Variants in COLQ observed in about 807,000 individuals in gnomAD.
The protein encoded by COLQ is collagen like tail subunit of asymmetric acetylcholinesterase, also known as acetylcholinesterase collagenic tail peptide.
In COLQ, 48 loss-of-function variants were observed where a neutral mutation model predicts 69.0. The ratio of observed to expected loss-of-function variants is 0.70; its 90% CI spans 0.55 to 0.88. The LOEUF (loss-of-function observed/expected upper bound fraction) is 0.88. Ranked by LOEUF, COLQ falls within the 40% of genes least tolerant of loss-of-function variation. The pLI, the probability that COLQ is intolerant of heterozygous loss-of-function variation, is 0.00. For missense variants in COLQ, 618 were observed against 594.6 expected, an observed-to-expected ratio of 1.04 and a Z score of -0.41; for synonymous variants, 217 against 211.2, an observed-to-expected ratio of 1.03 and a Z score of -0.24.
intron 1 of COLQ, among the ~76,000 whole-genome samples, chr3:15,518,834 G>A (rs1406582039): frequency 6.6e-6 from 1 of 152,164 alleles, no homozygotes; most frequent in Non-Finnish European, 1.5e-5. Flanking sequence ...GTCCCTTGAA[G>A]CACACATTAG....
intron 7 of COLQ, 161 bp from the exon 8 acceptor site, chr3:15,475,112 G>C (rs968944674): frequency 2.5e-6 from 2 of 814,566 alleles, no homozygotes; most frequent in African/African-American, 3.3e-5. Flanking sequence ...TGTCCCAGAG[G>C]GTTGTGGTTA....
Position 15,451,438 on chromosome 3 carries a change from C to T in COLQ, c.*206G>A, listed in dbSNP as rs2061940271. On this transcript the variant is annotated 3_prime_UTR_variant, in exon 17 of 17. Coordinates refer to ENST00000383788, the MANE Select transcript of COLQ (RefSeq NM_005677.4). ...TCAGGTTGGGCATGTGGAAGGTTTT[C>T]CAGTACCTTGGATTAAGACAGGATG... 1.4e-6 allele frequency: 1 copy of T among 693,128 alleles called. No individual in the cohort carries two copies. The highest frequency in any genetic ancestry group is 2.1e-5 in the Admixed American group (1 of 46,970). The allele number at this position is 693,128 out of a possible 1,614,324, so 42.9% of individuals were successfully genotyped here. A position where few individuals can be genotyped will look rare whatever the true frequency, so the allele number is the denominator to read the frequency against.
chr3:15,463,409 C>T (rs1484726832), intron 12 of COLQ, among the ~76,000 whole-genome samples: 8 of 151,672 alleles, frequency 5.3e-5, no homozygotes, highest in African/African-American at 1.2e-4. Flanking sequence ...TGCAGTGACT[C>T]GATCTTGGCT....
At chr3:15,454,293 G>A (rs546439323) in intron 15 of COLQ, among the ~76,000 whole-genome samples, 1 of 152,204 alleles carries the variant, frequency 6.6e-6, no homozygotes, top group Non-Finnish European at 1.5e-5. Context: ...GCCCCAGTGA[G>A]GGTGCATGGT....
chr3:15,451,801 CAATG>C, intron 16 of COLQ, 88 bp from the exon 17 acceptor site: 1 of 1,119,566 alleles, frequency 8.9e-7, no homozygotes, highest in Non-Finnish European at 1.4e-6. Context: ...GGCCAAGGGC[CAATG>C]GCTCTACAAG....
In COLQ at chr3:15,466,354, G is replaced by A. The variant is rs969231585; in HGVS notation, c.801C>T (p.Gly267=). Residue 267 remains glycine (G), a synonymous_variant, in exon 12 of 17, where the codon GGC becomes GGT. Transcript: ENST00000383788. Reference sequence around the variant, plus strand: ...TGTAGCTCTTACCTGCAGGTGGGGGGCCTGGGGGCCCCGGACGGCCAGGTT... The same window carrying A: ...TGTAGCTCTTACCTGCAGGTGGGGGACCTGGGGGCCCCGGACGGCCAGGTT... ...SGQPGRPGPP[G]PPPAGQLIMG... is the part of the protein sequence containing the mutation. 6 of 1,613,640 alleles carry A rather than the reference G, an allele frequency of 3.7e-6. No homozygotes were observed. Among genetic ancestry groups the A allele is most frequent in the Non-Finnish European group, 5.1e-6 (6 of 1,179,670 alleles).
At chr3:15,515,011 C>T (rs1447188944) in intron 1 of COLQ, among the ~76,000 whole-genome samples, 1 of 152,168 alleles carries the variant, frequency 6.6e-6, no homozygotes, top group Non-Finnish European at 1.5e-5. Flanking sequence ...TCACCACCCC[C>T]CACCTTTAGT....
chr3:15,467,834 C>T (rs1449185530), intron 11 of COLQ: 11 of 456,076 alleles, frequency 2.4e-5, no homozygotes, highest in Admixed American at 1.4e-4. Flanking sequence ...CCAGCCACAA[C>T]GGTGACAGGT....
intron 15 of COLQ, among the ~76,000 whole-genome samples, chr3:15,454,725 A>G (rs561747128): frequency 4.8e-5 from 7 of 145,906 alleles, no homozygotes; most frequent in Admixed American, 4.2e-4. Context: ...GTGCAATCGC[A>G]GTTCACTGCA....
At position 15,450,396 on chromosome 3, in the gene COLQ, G is replaced by C. The variant is rs373209743; in HGVS notation, c.*1248C>G. The C allele has an allele frequency of 6.5e-6, 1 of 153,712 alleles. No individual in the cohort carries two copies. The highest frequency in any genetic ancestry group is 1.9e-4 in the East Asian group (1 of 5,186). 9.5% of individuals were successfully genotyped at this position (153,712 alleles called of 1,614,324 possible). A position where few individuals can be genotyped will look rare whatever the true frequency, so the allele number is the denominator to read the frequency against. ...CCCCAAGACACAGGCTCATTAAATA[G>C]CTTCGTACAAAAACCCAAGGGTGTC... On this transcript the variant is annotated 3_prime_UTR_variant, in exon 17 of 17. Transcript: ENST00000383788.
chr3:15,465,758 A>AATTTTTGT (rs1243771799), intron 12 of COLQ, among the ~76,000 whole-genome samples: 1 of 151,440 alleles, frequency 6.6e-6, no homozygotes, highest in Non-Finnish European at 1.5e-5. Flanking sequence ...ATGCCAGGCT[A>AATTTTTGT]ATTTTTGTAT....
chr3:15,503,155 G>C (rs565172774), intron 1 of COLQ, among the ~76,000 whole-genome samples: 1 of 152,154 alleles, frequency 6.6e-6, no homozygotes, highest in Non-Finnish European at 1.5e-5. Flanking sequence ...CACTGCTCTA[G>C]TCTGGTGGGG....
chr3:15,477,330 C>G (rs1346935745), intron 5 of COLQ, 133 bp from the exon 6 acceptor site: 1 of 761,518 alleles, frequency 1.3e-6, no homozygotes, highest in Non-Finnish European at 2.3e-6. Flanking sequence ...CATCCCCACT[C>G]TCCGAAGACT....
chr3:15,481,643 A>T (rs951078634), intron 3 of COLQ, among the ~76,000 whole-genome samples: 1 of 152,188 alleles, frequency 6.6e-6, no homozygotes, highest in Non-Finnish European at 1.5e-5. Flanking sequence ...GAAGTCAGGT[A>T]GTGTGATGCC....
chr3:15,477,991 T>C (rs1370849556), intron 5 of COLQ, among the ~76,000 whole-genome samples: 2 of 152,236 alleles, frequency 1.3e-5, no homozygotes, highest in Non-Finnish European at 2.9e-5. Flanking sequence ...TATCTTGACC[T>C]TGTGCCCATT....
chr3:15,502,260 C>T (rs2062841532), intron 1 of COLQ, among the ~76,000 whole-genome samples: 1 of 151,738 alleles, frequency 6.6e-6, no homozygotes, highest in Non-Finnish European at 1.5e-5. Context: ...GGATTACAGG[C>T]ACCTGCCACC....
chr3:15,488,086 G>A (rs2062603298), intron 3 of COLQ, 120 bp downstream of exon 3: 10 of 746,896 alleles, frequency 1.3e-5, no homozygotes, highest in Admixed American at 7.1e-5. Flanking sequence ...GGAAGTAAGC[G>A]AGAGAAGGAA....
rs913459367 is a variant in COLQ at position 15,474,822 on chromosome 3, T to C, written c.555+103A>G. 133 of 1,350,710 alleles carry C rather than the reference T, an allele frequency of 9.8e-5. No individual in the cohort carries two copies. The East Asian group carries it at 2.7e-3, about 27-fold the overall frequency. 83.7% of individuals were successfully genotyped at this position (1,350,710 alleles called of 1,614,324 possible). A position where few individuals can be genotyped will look rare whatever the true frequency, so the allele number is the denominator to read the frequency against. The stretch of plus-strand genomic sequence containing the variant: ...GAATAGCTAGGGATGGTGGCTTCAG[T>C]TGCAGACTAAAGAGAGACCTGGACC... On this transcript the variant is annotated intron_variant, in intron 8 of 16. Coordinates refer to ENST00000383788, the MANE Select transcript of COLQ (RefSeq NM_005677.4).
At chr3:15,515,012 C>G (rs955319255) in intron 1 of COLQ, among the ~76,000 whole-genome samples, 1 of 152,142 alleles carries the variant, frequency 6.6e-6, no homozygotes, top group Non-Finnish European at 1.5e-5. Flanking sequence ...CACCACCCCC[C>G]ACCTTTAGTA....
Sources: gnomAD v4.1 joint callset for allele counts (sites outside exome capture counted in the v4.1 genomes callset) on GRCh38, gnomAD v4.1.1 for gene constraint, MANE v1.5 for transcripts, NCBI Gene and HGNC (gene_info 2026-07-23, HGNC 2026-07-21) for gene names.